The following SLC30A2 variants were observed in gnomAD, a reference collection of about 807,000 sequenced individuals.
SLC30A2 encodes proton-coupled zinc antiporter SLC30A2.
In SLC30A2, 19 loss-of-function variants were observed where a neutral mutation model predicts 39.6. The ratio of observed to expected loss-of-function variants is 0.48; its 90% CI spans 0.34 to 0.70. The LOEUF (loss-of-function observed/expected upper bound fraction) is 0.70. Ranked by LOEUF, SLC30A2 falls within the 30% of genes least tolerant of loss-of-function variation. The pLI is 0.01. For synonymous variants in SLC30A2, 195 were observed against 194.8 expected, an observed-to-expected ratio of 1.00 and a Z score of -0.01; for missense variants, 387 against 479.4, an observed-to-expected ratio of 0.81 and a Z score of 1.80.
chr1:26,045,969 T>G lies in SLC30A2; in HGVS notation c.-73A>C, dbSNP rs1406422224. ...GCGCCCTGAAAGTTGCGCGCGGGAC[T>G]CCGGGTGGCGCTCACCCACCTGCCC... On this transcript the variant is annotated 5_prime_UTR_variant, in exon 1 of 8. Coordinates refer to ENST00000374276, the MANE Select transcript of SLC30A2 (RefSeq NM_001004434.3). The G allele has an allele frequency of 1.3e-6, 2 of 1,589,574 alleles. No homozygotes were observed. Among genetic ancestry groups the G allele is most frequent in the Admixed American group, 1.7e-5 (1 of 59,254 alleles).
chr1:26,041,636 C>T (rs2050398803), intron 6 of SLC30A2, 64 bp downstream of exon 6: 2 of 944,136 alleles, frequency 2.1e-6, no homozygotes, highest in Admixed American at 1.7e-5. Context: ...ACACACATAC[C>T]CTATTTGAGC....
rs372464579 is a variant in SLC30A2, at chr1:26,045,919, C to G, written c.-23G>C. 1.9e-6 allele frequency: 3 copies of G among 1,606,204 alleles called. No homozygotes were observed. The African/African-American group carries it at 4.0e-5, about 22-fold the overall frequency. On this transcript the variant is annotated 5_prime_UTR_variant, in exon 1 of 8. Transcript: ENST00000374276. ...CATGCAGTCCCGCGCCGAGTCCCGGCAGCCGCGCAGCCGCCCCGCCGAGTG... is the reference window on the plus strand; with the variant it reads ...CATGCAGTCCCGCGCCGAGTCCCGGGAGCCGCGCAGCCGCCCCGCCGAGTG...
In SLC30A2 at chr1:26,043,496, C is replaced by A. The variant is rs759966381; in HGVS notation, c.474G>T (p.Leu158=). 85 of 1,614,010 alleles carry A rather than the reference C, an allele frequency of 5.3e-5. No individual in the cohort carries two copies. In the South Asian group the frequency reaches 8.8e-4, roughly 17 times the overall value. ...VLSIWVVTGV[L]VYLAVERLIS... ...TCAGCCGCTCCACAGCCAGGTACAC[C>A]AGTACCCCCGTCACGACCCAGATGG... The change falls in exon 4 of 8, where the codon CTG becomes CTT. Residue 158 remains leucine (L), a synonymous_variant. Transcript: ENST00000374276.
rs1170235044 is a variant in SLC30A2, at chr1:26,042,610, A to G, written c.671T>C (p.Val224Ala). Reference sequence around the variant, plus strand: ...CATGCTCTGCATAAAGTCGCCGATCACATGGATGAAGGCAGCTCGGACGCT... The same window carrying G: ...CATGCTCTGCATAAAGTCGCCGATCGCATGGATGAAGGCAGCTCGGACGCT... Reference protein sequence around the residue: ...NPSVRAAFIHVIGDFMQSMGV... With the variant: ...NPSVRAAFIHAIGDFMQSMGV... The change falls in exon 5 of 8, where the codon GTG (valine) becomes GCG (alanine). Residue 224 changes from valine to alanine, a missense_variant. Physicochemically the swap from Val to Ala is moderately conservative, Grantham distance 64. Coordinates refer to ENST00000374276, the MANE Select transcript of SLC30A2 (RefSeq NM_001004434.3). 1.2e-6 allele frequency: 2 copies of G among 1,614,216 alleles called. No homozygotes were observed. The highest frequency in any genetic ancestry group is 3.3e-5 in the Admixed American group (2 of 60,032).
Position 26,043,547 on chromosome 1 carries a change from G to C in SLC30A2, c.423C>G (p.Ile141Met). 6.2e-7 allele frequency: 1 copy of C among 1,613,230 alleles called. No individual in the cohort carries two copies. Among genetic ancestry groups the C allele is most frequent in the Non-Finnish European group, 8.5e-7 (1 of 1,179,612 alleles). Residue 141 changes from isoleucine to methionine, a missense_variant, in exon 4 of 8, where the codon ATC becomes ATG. Physicochemically the swap from Ile to Met is conservative, Grantham distance 10. Coordinates refer to ENST00000374276, the MANE Select transcript of SLC30A2 (RefSeq NM_001004434.3). ...TMNFGWQRAE[I>M]LGALVSVLSI... is the part of the protein sequence containing the mutation. ...ACAGTACAGAGACCAGGGCTCCCAAGATCTCTGAGGAAGAACCCAACCCCA... is the reference window on the plus strand; with the variant it reads ...ACAGTACAGAGACCAGGGCTCCCAACATCTCTGAGGAAGAACCCAACCCCA...
chr1:26,041,900 C>T (rs1011323817), intron 5 of SLC30A2, 95 bp from the exon 6 acceptor site: 6 of 754,692 alleles, frequency 8.0e-6, no homozygotes, highest in Admixed American at 4.5e-5. Context: ...GAGAGGTGCT[C>T]TCTCTGCTGG....
chr1:26,041,955 CTT>C (rs2050402839), intron 5 of SLC30A2, 150 bp from the exon 6 acceptor site: 4 of 610,170 alleles, frequency 6.6e-6, no homozygotes, highest in Admixed American at 2.9e-5. Context: ...GTTTTCTGCT[CTT>C]TATTTCACAT....
Position 26,045,052 on chromosome 1 carries a change from G to A in SLC30A2, c.216C>T (p.Arg72=). Reference sequence around the variant, plus strand: ...AGATGGCAGAGGCTACATACAGCTGGCGCTGGGCCTTCCCCTTCTTGGGGT... The same window carrying A: ...AGATGGCAGAGGCTACATACAGCTGACGCTGGGCCTTCCCCTTCTTGGGGT... ...HCDPKKGKAQ[R]QLYVASAICL... Residue 72 remains arginine (R), a synonymous_variant, in exon 2 of 8, where the codon CGC becomes CGT. Coordinates refer to ENST00000374276, the MANE Select transcript of SLC30A2 (RefSeq NM_001004434.3). The A allele has an allele frequency of 1.2e-6, 2 of 1,614,238 alleles. No individual in the cohort carries two copies. Among genetic ancestry groups the A allele is most frequent in the Non-Finnish European group, 1.7e-6 (2 of 1,180,052 alleles).
Position 26,045,978 on chromosome 1 carries a change from C to G in SLC30A2, c.-82G>C. On this transcript the variant is annotated 5_prime_UTR_variant, in exon 1 of 8. Coordinates refer to ENST00000374276, the MANE Select transcript of SLC30A2 (RefSeq NM_001004434.3). ...AAGTTGCGCGCGGGACTCCGGGTGG[C>G]GCTCACCCACCTGCCCCGAGGGCCC... 2 of 1,578,552 alleles carry G rather than the reference C, an allele frequency of 1.3e-6. No homozygotes were observed. Among genetic ancestry groups the G allele is most frequent in the Non-Finnish European group, 8.5e-7 (1 of 1,169,686 alleles).
Position 26,044,458 on chromosome 1 carries a change from G to A in SLC30A2, c.272-14C>T, listed in dbSNP as rs756049481. ...CCAGGTACCCACCTGCAGGGTGGAG[G>A]GTCCTTATCAGCTCCCCCAGAGAGC... On this transcript the variant is annotated splice_polypyrimidine_tract_variant and intron_variant, in intron 2 of 7. Coordinates refer to ENST00000374276, the MANE Select transcript of SLC30A2 (RefSeq NM_001004434.3). 1.1e-5 allele frequency: 17 copies of A among 1,611,474 alleles called. No homozygotes were observed. The highest frequency in any genetic ancestry group is 5.0e-5 in the Admixed American group (3 of 59,716).
In SLC30A2 at chr1:26,040,041, G is replaced by A. The variant is rs1196964124; in HGVS notation, c.839-130C>T. 3 of 939,434 alleles carry A rather than the reference G, an allele frequency of 3.2e-6. No individual in the cohort carries two copies. In the African/African-American group the frequency reaches 5.0e-5, roughly 16 times the overall value. 58.2% of individuals were successfully genotyped at this position (939,434 alleles called of 1,614,324 possible). Reference sequence around the variant, plus strand: ...AGACCTCTTTGGCCTGCAGGTCTGAGGCTGCCTTCACCTCCCAAGGTCTCT... The same window carrying A: ...AGACCTCTTTGGCCTGCAGGTCTGAAGCTGCCTTCACCTCCCAAGGTCTCT... On this transcript the variant is annotated intron_variant, in intron 6 of 7. Coordinates refer to ENST00000374276, the MANE Select transcript of SLC30A2 (RefSeq NM_001004434.3).
chr1:26,042,584 C>G lies in SLC30A2; in HGVS notation c.697G>C (p.Gly233Arg), dbSNP rs767112739. Residue 233 changes from glycine to arginine, a missense_variant, in exon 5 of 8, where the codon GGT becomes CGT. By Grantham distance (125) the Gly-to-Arg change is moderately radical (BLOSUM62 -2). Transcript: ENST00000374276. Reference sequence around the variant, plus strand: ...AAAATATAGGCTGCCACTAGGACACCCATGCTCTGCATAAAGTCGCCGATC... The same window carrying G: ...AAAATATAGGCTGCCACTAGGACACGCATGCTCTGCATAAAGTCGCCGATC... ...HVIGDFMQSM[G>R]VLVAAYILYF... 11 of 1,614,138 alleles carry G rather than the reference C, an allele frequency of 6.8e-6. No individual in the cohort carries two copies. The highest frequency in any genetic ancestry group is 9.3e-6 in the Non-Finnish European group (11 of 1,180,004).
chr1:26,045,051 G>A lies in SLC30A2; in HGVS notation c.217C>T (p.Gln73Ter). Residue 73 changes from glutamine to a stop codon, truncating the protein, a stop_gained, in exon 2 of 8, where the codon CAG becomes TAG. Transcript: ENST00000374276. LOFTEE classifies it high-confidence loss of function. ...CAGATGGCAGAGGCTACATACAGCT[G>A]GCGCTGGGCCTTCCCCTTCTTGGGG... is the stretch of plus-strand genomic sequence containing the variant. Reference protein sequence around the residue: ...CDPKKGKAQRQLYVASAICLL... With the variant: ...CDPKKGKAQR 1.2e-6 allele frequency: 2 copies of A among 1,614,238 alleles called. No homozygotes were observed. Among genetic ancestry groups the A allele is most frequent in the Non-Finnish European group, 1.7e-6 (2 of 1,180,054 alleles).
At position 26,044,440 on chromosome 1, in the gene SLC30A2, C is replaced by A. The variant is rs567166615; in HGVS notation, c.276G>T (p.Gly92=). Residue 92 remains glycine, a synonymous_variant, in exon 3 of 8, where the codon GGG becomes GGT. Transcript: ENST00000374276. Reference sequence around the variant, plus strand: ...TGACAGCCAAGCTGTGTGCCAGGTACCCACCTGCAGGGTGGAGGGTCCTTA... The same window carrying A: ...TGACAGCCAAGCTGTGTGCCAGGTAACCACCTGCAGGGTGGAGGGTCCTTA... ...LLFMIGEVVG[G]YLAHSLAVMT... The A allele has an allele frequency of 8.7e-6, 14 of 1,613,392 alleles. No individual in the cohort carries two copies. In the South Asian group the frequency reaches 1.4e-4, roughly 16 times the overall value.
At position 26,039,448 on chromosome 1, in the gene SLC30A2, G is replaced by T; in HGVS notation, c.974-143C>A. 1 of 693,970 alleles carries T rather than the reference G, an allele frequency of 1.4e-6. No homozygotes were observed. The highest frequency in any genetic ancestry group is 2.4e-6 in the Non-Finnish European group (1 of 421,038). 43.0% of individuals were successfully genotyped at this position (693,970 alleles called of 1,614,324 possible). On this transcript the variant is annotated intron_variant, in intron 7 of 7. Coordinates refer to ENST00000374276, the MANE Select transcript of SLC30A2 (RefSeq NM_001004434.3). This position sits in a 1 kb window ranked among gnomAD's most constrained non-coding sequence, Gnocchi z 4.3. ...AGAAGCCCCCAGATTCCATTCCTCT[G>T]CCAGGTAGCCTCCCAGCCCAGACCT... is the stretch of plus-strand genomic sequence containing the variant.
chr1:26,042,450 G>A, intron 5 of SLC30A2, 99 bp downstream of exon 5: 1 of 1,089,228 alleles, frequency 9.2e-7, no homozygotes, highest in Non-Finnish European at 1.3e-6. Context: ...CCCTAGAACT[G>A]GGAGGGAGCT....
Position 26,041,774 on chromosome 1 carries a change from G to A in SLC30A2, c.764C>T (p.Thr255Ile). 6.2e-7 allele frequency: 1 copy of A among 1,613,444 alleles called. No individual in the cohort carries two copies. The highest frequency in any genetic ancestry group is 8.5e-7 in the Non-Finnish European group (1 of 1,179,374). Reference protein sequence around the residue: ...PEYKYVDPICTFVFSILVLGT... With the variant: ...PEYKYVDPICIFVFSILVLGT... ...CAGGACCAGGATGGAGAAGACGAAG[G>A]TGCAGATGGGGTCTACATACTTGTA... is the stretch of plus-strand genomic sequence containing the variant. The change falls in exon 6 of 8, where the codon ACC (threonine) becomes ATC (isoleucine). Residue 255 changes from threonine (T) to isoleucine (I), a missense_variant. By Grantham distance (89) the Thr-to-Ile change is moderately conservative. Transcript: ENST00000374276.
chr1:26,045,971 C>T lies in SLC30A2; in HGVS notation c.-75G>A. ...GCCCTGAAAGTTGCGCGCGGGACTC[C>T]GGGTGGCGCTCACCCACCTGCCCCG... On this transcript the variant is annotated 5_prime_UTR_variant, in exon 1 of 8. Transcript: ENST00000374276. The T allele has an allele frequency of 6.3e-7, 1 of 1,587,692 alleles. No homozygotes were observed. The highest frequency in any genetic ancestry group is 1.1e-5 in the South Asian group (1 of 89,758).
At chr1:26,040,127 C>T (rs1484976456) in intron 6 of SLC30A2, among the ~76,000 whole-genome samples, 1 of 152,178 alleles carries the variant, frequency 6.6e-6, no homozygotes, top group Non-Finnish European at 1.5e-5. Flanking sequence ...TATGAATGTA[C>T]TTATTGTCAG....
Sources: allele counts gnomAD v4.1 joint callset (sites outside exome capture counted in the v4.1 genomes callset), GRCh38; gene constraint gnomAD v4.1.1; non-coding constraint Gnocchi (gnomAD v3.1); transcripts MANE v1.5; gene names NCBI Gene and HGNC (gene_info 2026-07-23, HGNC 2026-07-21).